The following VSTM2B variants were observed in gnomAD, a reference collection of about 807,000 sequenced individuals.
VSTM2B encodes the protein V-set and transmembrane domain-containing protein 2B.
In VSTM2B, 24 loss-of-function variants were observed where a neutral mutation model predicts 24.0. The observed-to-expected ratio is 1.00, with a 90% CI of 0.72 to 1.40. VSTM2B has a LOEUF of 1.40. Among genes scored for constraint, VSTM2B ranks in the 40% most tolerant of loss-of-function variants. VSTM2B has a pLI of 0.00. For missense variants in VSTM2B, 399 were observed against 416.4 expected, an observed-to-expected ratio of 0.96 and a Z score of 0.36; for synonymous variants, 226 against 194.4, an observed-to-expected ratio of 1.16 and a Z score of -1.35.
At chr19:29,533,843 G>T (rs569102629) in intron 4 of VSTM2B, among the ~76,000 whole-genome samples, 1 of 152,346 alleles carries the variant, frequency 6.6e-6, no homozygotes, top group East Asian at 1.9e-4. Context: ...GCCCTGAGAG[G>T]CAGCAAGCCA....
At chr19:29,561,811 G>A (rs902228517) in intron 4 of VSTM2B, among the ~76,000 whole-genome samples, 5 of 152,120 alleles carry the variant, frequency 3.3e-5, no homozygotes, top group African/African-American at 7.2e-5. Context: ...CATCACATCC[G>A]CCTGTCGTCC....
chr19:29,555,190 A>C (rs1451363142), intron 4 of VSTM2B, among the ~76,000 whole-genome samples: 1 of 152,212 alleles, frequency 6.6e-6, no homozygotes, highest in East Asian at 1.9e-4. Flanking sequence ...ATGCAAAAGA[A>C]CTGAGATCAT....
At chr19:29,551,947 C>T (rs1012195453) in intron 4 of VSTM2B, among the ~76,000 whole-genome samples, 3 of 152,236 alleles carry the variant, frequency 2.0e-5, no homozygotes, top group Non-Finnish European at 4.4e-5. Context: ...GTGAGCAGAA[C>T]GTACCCTCTG....
At position 29,530,300 on chromosome 19, in the gene VSTM2B, C is replaced by T; in HGVS notation, c.769+10C>T. ...CAGAGGCACGGCTCGGGTAAGGGAT[C>T]GCGGAGAGGGGGCGCACGCGCGGGG... On this transcript the variant is annotated intron_variant, in intron 4 of 4. Coordinates refer to ENST00000335523, the MANE Select transcript of VSTM2B (RefSeq NM_001146339.2). 1 of 1,488,670 alleles carries T rather than the reference C, an allele frequency of 6.7e-7. No homozygotes were observed. Among genetic ancestry groups the T allele is most frequent in the Non-Finnish European group, 8.9e-7 (1 of 1,127,428 alleles). 92.2% of individuals were successfully genotyped at this position (1,488,670 alleles called of 1,614,324 possible).
Position 29,530,268 on chromosome 19 carries a change from G to C in VSTM2B, c.747G>C (p.Leu249=). 4.7e-6 allele frequency: 7 copies of C among 1,502,768 alleles called. No individual in the cohort carries two copies. Among genetic ancestry groups the C allele is most frequent in the Non-Finnish European group, 5.3e-6 (6 of 1,133,210 alleles). The allele number at this position is 1,502,768 out of a possible 1,614,324, so 93.1% of individuals were successfully genotyped here. A position where few individuals can be genotyped will look rare whatever the true frequency, so the allele number is the denominator to read the frequency against. The change falls in exon 4 of 5, where the codon CTG becomes CTC. Residue 249 remains leucine (L), a synonymous_variant. Transcript: ENST00000335523. Reference sequence around the variant, plus strand: ...CGCCGCCATCGGGACAGGCGGTCCTGCTGCGCCAGAGGCACGGCTCGGGTA... The same window carrying C: ...CGCCGCCATCGGGACAGGCGGTCCTCCTGCGCCAGAGGCACGGCTCGGGTA... ...SASPPSGQAV[L]LRQRHGSGTG... is the part of the protein sequence containing the mutation.
Position 29,561,411 on chromosome 19 carries a change from G to A in VSTM2B, c.770-2435G>A, listed in dbSNP as rs180875095. On this transcript the variant is annotated intron_variant, in intron 4 of 4. Transcript: ENST00000335523. Reference sequence around the variant, plus strand: ...GGCCGAGGCAGGTGGATCACCTGAGGTCAGGAGTTCGAGACAAGCCTGGCC... The same window carrying A: ...GGCCGAGGCAGGTGGATCACCTGAGATCAGGAGTTCGAGACAAGCCTGGCC... Among the ~76,000 whole-genome samples the A allele has an allele frequency of 1.4e-4, 21 of 152,250 alleles. No individual in the cohort carries two copies. The East Asian group carries it at 3.5e-3, about 25-fold the overall frequency.
In VSTM2B at chr19:29,527,383, C is replaced by A. The variant is rs781758214; in HGVS notation, c.255C>A (p.Gly85=). The A allele has an allele frequency of 3.1e-5, 48 of 1,538,272 alleles. No homozygotes were observed. Among genetic ancestry groups the A allele is most frequent in the Middle Eastern group, 1.7e-4 (1 of 5,880 alleles). Residue 85 remains glycine, a synonymous_variant, in exon 2 of 5, where the codon GGC becomes GGA. Transcript: ENST00000335523. ...LLHELALSVP[G]ARSKVTNKDA... is the part of the protein sequence containing the mutation. ...ACGAGCTGGCGCTCAGCGTGCCGGG[C>A]GCCCGGAGCAAGGTAACCCGCCGCC... is the stretch of plus-strand genomic sequence containing the variant.
At chr19:29,546,838 G>A (rs1568443842) in intron 4 of VSTM2B, among the ~76,000 whole-genome samples, 1 of 152,396 alleles carries the variant, frequency 6.6e-6, no homozygotes, top group East Asian at 1.9e-4. Context: ...AAACTGGAGA[G>A]GAGGTGGCGG....
chr19:29,529,431 G>A (rs1167413501), intron 3 of VSTM2B, among the ~76,000 whole-genome samples: 1 of 152,212 alleles, frequency 6.6e-6, no homozygotes, highest in East Asian at 1.9e-4. Flanking sequence ...ACGTGGGGAA[G>A]TTAAGGAACA....
chr19:29,545,175 G>C (rs372113822), intron 4 of VSTM2B, among the ~76,000 whole-genome samples: 1 of 152,148 alleles, frequency 6.6e-6, no homozygotes, highest in East Asian at 1.9e-4. Flanking sequence ...TCCGGGGGTC[G>C]GCAGGGTGGA....
intron 4 of VSTM2B, among the ~76,000 whole-genome samples, chr19:29,557,458 G>A (rs1027178493): frequency 6.6e-6 from 1 of 152,170 alleles, no homozygotes; most frequent in African/African-American, 2.4e-5. Flanking sequence ...AGCACTTTGG[G>A]AGACCAAGGT....
At chr19:29,536,592 C>T (rs1969896229) in intron 4 of VSTM2B, among the ~76,000 whole-genome samples, 1 of 152,220 alleles carries the variant, frequency 6.6e-6, no homozygotes, top group Non-Finnish European at 1.5e-5. Context: ...CCACGCTCTC[C>T]TCTCACCGGC....
At chr19:29,560,627 A>G (rs1970502676) in intron 4 of VSTM2B, among the ~76,000 whole-genome samples, 1 of 152,174 alleles carries the variant, frequency 6.6e-6, no homozygotes, top group Admixed American at 6.5e-5. Context: ...TCCAGGAGCC[A>G]ATGCTGCAGC....
intron 4 of VSTM2B, among the ~76,000 whole-genome samples, chr19:29,539,542 G>C (rs1490398657): frequency 6.6e-6 from 1 of 152,174 alleles, no homozygotes; most frequent in Non-Finnish European, 1.5e-5. Context: ...GTGAGAGAGA[G>C]AGTGAGAGCC....
Position 29,529,984 on chromosome 19 carries a change from C to A in VSTM2B, c.463C>A (p.Pro155Thr). ...MLRVLSRFAP[P>T]NMQAAEAVSH... ...GCGCGTGCTCTCGCGCTTCGCGCCG[C>A]CCAACATGCAGGCCGCCGAGGCCGT... is the stretch of plus-strand genomic sequence containing the variant. Residue 155 changes from proline to threonine, a missense_variant, in exon 4 of 5, where the codon CCC (proline) becomes ACC (threonine). Pro to Thr is a conservative substitution (Grantham distance 38). Transcript: ENST00000335523. The A allele has an allele frequency of 6.5e-7, 1 of 1,544,882 alleles. No individual in the cohort carries two copies. The highest frequency in any genetic ancestry group is 8.7e-7 in the Non-Finnish European group (1 of 1,146,432).
chr19:29,540,512 C>T (rs1969996963), intron 4 of VSTM2B, among the ~76,000 whole-genome samples: 1 of 152,224 alleles, frequency 6.6e-6, no homozygotes, highest in Admixed American at 6.5e-5. Context: ...TCAGGGCTCC[C>T]AGCAGTTCTT....
chr19:29,526,391 G>T lies in VSTM2B; in HGVS notation c.-193G>T. On this transcript the variant is annotated 5_prime_UTR_variant, in exon 1 of 5. Coordinates refer to ENST00000335523, the MANE Select transcript of VSTM2B (RefSeq NM_001146339.2). This position sits in a 1 kb window ranked among gnomAD's most constrained non-coding sequence, Gnocchi z 4.1. ...CTGCACACCCCGCGCAGCGCCCCCC[G>T]CCGGAGCCGCACCGGGCAAGCCGGC... is the stretch of plus-strand genomic sequence containing the variant. The T allele has an allele frequency of 4.9e-6, 1 of 204,970 alleles. No homozygotes were observed. 12.7% of individuals were successfully genotyped at this position (204,970 alleles called of 1,614,324 possible). A position where few individuals can be genotyped will look rare whatever the true frequency, so the allele number is the denominator to read the frequency against.
At chr19:29,528,860 G>C in intron 3 of VSTM2B, 1 of 962,282 alleles carries the variant, frequency 1.0e-6, no homozygotes, top group Non-Finnish European at 1.2e-6. Context: ...CCTCTGCCCC[G>C]CCCTGAGCAT....
intron 4 of VSTM2B, among the ~76,000 whole-genome samples, chr19:29,538,841 C>A (rs1278299363): frequency 6.6e-6 from 1 of 152,100 alleles, no homozygotes; most frequent in African/African-American, 2.4e-5. Flanking sequence ...GGGCACCAGG[C>A]CATTCGTGGG....
Sources: allele counts gnomAD v4.1 joint callset (sites outside exome capture counted in the v4.1 genomes callset), GRCh38; gene constraint gnomAD v4.1.1; non-coding constraint Gnocchi (gnomAD v3.1); transcripts MANE v1.5; gene names NCBI Gene and HGNC (gene_info 2026-07-23, HGNC 2026-07-21).